Variants in NELL1 observed in about 807,000 individuals in gnomAD.
NELL1 encodes neural EGFL like 1.
Under a neutral mutation model 107.4 loss-of-function variants are expected in NELL1, and 76 were observed. That is an observed-to-expected ratio of 0.71 (90% CI 0.59 to 0.86). The LOEUF is 0.86. Among genes scored for constraint, NELL1 ranks in the 40% least tolerant of loss-of-function variants. The pLI is 0.00. For missense variants in NELL1, 1,024 were observed against 1,005.5 expected (o/e 1.02, Z -0.25); for synonymous variants, 353 against 341.2 (o/e 1.03, Z -0.38).
intron 19 of NELL1, among the ~76,000 whole-genome samples, chr11:21,574,099 A>C (rs984761351): frequency 2.0e-5 from 3 of 151,874 alleles, no homozygotes; most frequent in Non-Finnish European, 2.9e-5. Flanking sequence ...AACAATCATT[A>C]GTTAGTGTCA....
At chr11:21,309,485 T>C (rs986631334) in intron 14 of NELL1, among the ~76,000 whole-genome samples, 18 of 151,678 alleles carry the variant, frequency 1.2e-4, no homozygotes, top group Non-Finnish European at 1.5e-5. Flanking sequence ...CCAAATTGAA[T>C]GAGTGGATGG....
At chr11:20,682,081 G>A (rs1285038551) in intron 2 of NELL1, among the ~76,000 whole-genome samples, 1 of 151,986 alleles carries the variant, frequency 6.6e-6, no homozygotes, top group Non-Finnish European at 1.5e-5. Flanking sequence ...AACAGGTTCT[G>A]GGGATTAAAA....
intron 14 of NELL1, among the ~76,000 whole-genome samples, chr11:21,239,001 C>T (rs959627469): frequency 2.0e-5 from 3 of 152,106 alleles, no homozygotes; most frequent in African/African-American, 4.8e-5. Flanking sequence ...AGGGTAGTTA[C>T]TTCACGTGAC....
At chr11:21,466,890 G>A (rs183307567) in intron 15 of NELL1, among the ~76,000 whole-genome samples, 354 of 151,922 alleles carry the variant, frequency 2.3e-3, no homozygotes, top group South Asian at 7.3e-3. Context: ...GACTTGTCCC[G>A]TATCTCATAT....
At chr11:21,384,911 CCTTA>C (rs1245930117) in intron 15 of NELL1, among the ~76,000 whole-genome samples, 5 of 151,594 alleles carry the variant, frequency 3.3e-5, no homozygotes, top group Admixed American at 6.6e-5. Flanking sequence ...GTTATGTTTT[CCTTA>C]CTTTTTAAAA....
At chr11:20,772,449 G>A (rs1051463963) in intron 2 of NELL1, among the ~76,000 whole-genome samples, 3 of 152,120 alleles carry the variant, frequency 2.0e-5, no homozygotes, top group Admixed American at 6.5e-5. Context: ...TTAAAGTGAG[G>A]CTATTAATGC....
intron 14 of NELL1, among the ~76,000 whole-genome samples, chr11:21,270,149 A>C (rs1285425069): frequency 6.6e-6 from 1 of 152,122 alleles, no homozygotes; most frequent in Admixed American, 6.5e-5. Flanking sequence ...AATAGAAGCA[A>C]GGACACAGGT....
At chr11:21,208,575 T>C (rs1857436825) in intron 13 of NELL1, among the ~76,000 whole-genome samples, 1 of 152,044 alleles carries the variant, frequency 6.6e-6, no homozygotes, top group Non-Finnish European at 1.5e-5. Context: ...TCCTCCCCAC[T>C]TTCCTCTCTG....
intron 16 of NELL1, among the ~76,000 whole-genome samples, chr11:21,550,622 C>G (rs1856555806): frequency 6.6e-6 from 1 of 151,820 alleles, no homozygotes; most frequent in Non-Finnish European, 1.5e-5. Context: ...GCTTGTTTTT[C>G]TTAGGTTTGT....
chr11:21,426,077 A>T (rs1852814672), intron 15 of NELL1, among the ~76,000 whole-genome samples: 1 of 152,240 alleles, frequency 6.6e-6, no homozygotes, highest in Admixed American at 6.5e-5. Context: ...ATACACAAAA[A>T]GAAACAATGA....
chr11:21,039,378 G>A (rs1445642370), intron 12 of NELL1, among the ~76,000 whole-genome samples: 2 of 152,070 alleles, frequency 1.3e-5, no homozygotes, highest in Non-Finnish European at 2.9e-5. Context: ...TAGAGACGGG[G>A]TTTCACCATG....
intron 12 of NELL1, among the ~76,000 whole-genome samples, chr11:21,112,421 G>A (rs1855128495): frequency 6.6e-6 from 1 of 151,920 alleles, no homozygotes; most frequent in African/African-American, 2.4e-5. Context: ...AAGCTCTAAT[G>A]ATTATTGTAA....
At chr11:21,169,980 C>T (rs1856568738) in intron 13 of NELL1, 4 of 1,352,282 alleles carry the variant, frequency 3.0e-6, no homozygotes, top group African/African-American at 1.5e-5. Context: ...AGGGACAGTG[C>T]AATGCGGGCT....
intron 13 of NELL1, among the ~76,000 whole-genome samples, chr11:21,164,826 A>G (rs10741868): frequency 0.81 from 122,910 of 152,116 alleles, 49,816 homozygotes; most frequent in African/African-American, 0.87. Context: ...TTCATGGGAG[A>G]TGTAGTAATT....
At chr11:21,173,596 G>A (rs187962874) in intron 13 of NELL1, among the ~76,000 whole-genome samples, 14 of 151,954 alleles carry the variant, frequency 9.2e-5, no homozygotes, top group Admixed American at 3.9e-4. Context: ...GAGCAAACTA[G>A]GTACTGAATG....
intron 12 of NELL1, among the ~76,000 whole-genome samples, chr11:21,112,021 T>G (rs1855118592): frequency 6.6e-6 from 1 of 152,054 alleles, no homozygotes; most frequent in Admixed American, 6.6e-5. Flanking sequence ...TTTCCATCTC[T>G]TGGATTCCAG....
chr11:21,309,249 AATATATATATGTATATAT>A (rs1565160150), intron 14 of NELL1, among the ~76,000 whole-genome samples: 1 of 101,934 alleles, frequency 9.8e-6, no homozygotes, highest in Middle Eastern at 4.8e-3. Context: ...ACCCACTCTA[AATATATATATGTATATAT>A]ATATATATAT....
At chr11:21,445,326 GT>G (rs1225157340) in intron 15 of NELL1, among the ~76,000 whole-genome samples, 2 of 148,214 alleles carry the variant, frequency 1.3e-5, no homozygotes, top group Non-Finnish European at 3.0e-5. Context: ...TTTTGTTTTT[GT>G]TTTTTTGGGT....
chr11:20,736,911 T>A (rs868639618), intron 2 of NELL1, among the ~76,000 whole-genome samples: 1 of 151,886 alleles, frequency 6.6e-6, no homozygotes, highest in Non-Finnish European at 1.5e-5. Flanking sequence ...TGTGCCACCA[T>A]GCCTGGCTAA....
Sources: gnomAD v4.1 joint callset for allele counts (sites outside exome capture counted in the v4.1 genomes callset) on GRCh38, gnomAD v4.1.1 for gene constraint, MANE v1.5 for transcripts, NCBI Gene and HGNC (gene_info 2026-07-23, HGNC 2026-07-21) for gene names.